Variants in KITLG observed in about 807,000 individuals in gnomAD.
The protein encoded by KITLG is c-Kit ligand.
A neutral mutation model predicts 34.1 loss-of-function variants in KITLG; 13 were observed. The ratio of observed to expected loss-of-function variants is 0.38; its 90% CI spans 0.25 to 0.61. KITLG has a LOEUF of 0.61. Among genes scored for constraint, KITLG ranks in the 20% least tolerant of loss-of-function variants. The pLI, the probability that KITLG is intolerant of heterozygous loss-of-function variation, is 0.60. For missense variants in KITLG, 292 were observed against 318.9 expected (o/e 0.92, Z 0.64); for synonymous variants, 110 against 104.0 (o/e 1.06, Z -0.35).
intron 1 of KITLG, among the ~76,000 whole-genome samples, chr12:88,566,825 C>T (rs2120970812): frequency 6.6e-6 from 1 of 152,206 alleles, no homozygotes; most frequent in East Asian, 1.9e-4. Flanking sequence ...AGATTGTGTG[C>T]ATTAGAAAGA....
intron 9 of KITLG, among the ~76,000 whole-genome samples, chr12:88,503,608 T>C (rs1378049970): frequency 6.6e-6 from 1 of 152,204 alleles, no homozygotes; most frequent in South Asian, 2.1e-4. Flanking sequence ...ATTAAGTTAA[T>C]GCAGCTGTGG....
intron 1 of KITLG, among the ~76,000 whole-genome samples, chr12:88,558,895 C>T (rs1190308551): frequency 6.6e-6 from 1 of 152,004 alleles, no homozygotes; most frequent in Admixed American, 6.5e-5. Context: ...GATTGAAGGG[C>T]TACATACTAG....
At chr12:88,550,288 T>C (rs1283033415) in intron 1 of KITLG, among the ~76,000 whole-genome samples, 1 of 151,914 alleles carries the variant, frequency 6.6e-6, no homozygotes, top group Non-Finnish European at 1.5e-5. Context: ...CCAGAATGAG[T>C]GTATGCCTAT....
Position 88,518,717 on chromosome 12 carries a change from C to A in KITLG, c.343G>T (p.Val115Leu). 6.2e-7 allele frequency: 1 copy of A among 1,612,824 alleles called. No homozygotes were observed. Among genetic ancestry groups the A allele is most frequent in the Non-Finnish European group, 8.5e-7 (1 of 1,179,074 alleles). The change falls in exon 4 of 10, where the codon GTG (valine) becomes TTG (leucine). Residue 115 changes from valine to leucine, a missense_variant. Transcript: ENST00000644744. ...GTTACCTTAGATGAGTTTTCTTTCA[C>A]GCACTCCACAAGGTCATCCACTATA... is the stretch of plus-strand genomic sequence containing the variant. ...VNIVDDLVEC[V>L]KENSSKDLKK... is the part of the protein sequence containing the mutation.
chr12:88,506,503 G>T, intron 7 of KITLG, 125 bp from the exon 8 acceptor site: 1 of 739,904 alleles, frequency 1.4e-6, no homozygotes, highest in Non-Finnish European at 2.4e-6. Flanking sequence ...TCAGCATGTA[G>T]CATGCAAAAT....
chr12:88,558,955 A>G (rs1370673049), intron 1 of KITLG, among the ~76,000 whole-genome samples: 1 of 152,194 alleles, frequency 6.6e-6, no homozygotes, highest in African/African-American at 2.4e-5. Flanking sequence ...AAAAGATGAC[A>G]AATTGGGTAC....
intron 3 of KITLG, among the ~76,000 whole-genome samples, chr12:88,530,625 T>C (rs1365790239): frequency 6.6e-6 from 1 of 152,168 alleles, no homozygotes. Flanking sequence ...AAATACTTGC[T>C]TAGTAACCAA....
intron 6 of KITLG, among the ~76,000 whole-genome samples, chr12:88,515,253 G>T (rs1459161715): frequency 6.6e-6 from 1 of 151,676 alleles, no homozygotes; most frequent in African/African-American, 2.4e-5. Context: ...ATATGTTAAT[G>T]ATTCAACAAA....
At chr12:88,513,237 G>C (rs1465863708) in intron 6 of KITLG, among the ~76,000 whole-genome samples, 1 of 151,456 alleles carries the variant, frequency 6.6e-6, no homozygotes, top group Non-Finnish European at 1.5e-5. Context: ...ACAAGTTAAA[G>C]TGTATACTTT....
At chr12:88,566,284 T>C (rs569593457) in intron 1 of KITLG, among the ~76,000 whole-genome samples, 1 of 152,214 alleles carries the variant, frequency 6.6e-6, no homozygotes, top group Non-Finnish European at 1.5e-5. Flanking sequence ...GACAGGTGGA[T>C]GTTGTCCCTC....
intron 4 of KITLG, among the ~76,000 whole-genome samples, chr12:88,518,487 GACA>G (rs755189055): frequency 6.6e-6 from 1 of 152,116 alleles, no homozygotes; most frequent in South Asian, 2.1e-4. Context: ...TGTATTAGAT[GACA>G]ACATTTAAGT....
intron 2 of KITLG, among the ~76,000 whole-genome samples, chr12:88,537,539 T>C (rs1250437656): frequency 6.6e-6 from 1 of 151,762 alleles, no homozygotes; most frequent in Non-Finnish European, 1.5e-5. Context: ...ACTACCTGGG[T>C]GATGGGATCA....
chr12:88,524,179 T>C (rs1414200323), intron 3 of KITLG, among the ~76,000 whole-genome samples: 1 of 152,206 alleles, frequency 6.6e-6, no homozygotes, highest in Non-Finnish European at 1.5e-5. Context: ...AATATGGGAA[T>C]CCCACTATCC....
At chr12:88,534,497 T>C (rs1388017065) in intron 2 of KITLG, among the ~76,000 whole-genome samples, 1 of 151,900 alleles carries the variant, frequency 6.6e-6, no homozygotes, top group Non-Finnish European at 1.5e-5. Flanking sequence ...TGTGTCAGCC[T>C]CTGGGATTAC....
chr12:88,567,886 G>A (rs1412837553), intron 1 of KITLG, among the ~76,000 whole-genome samples: 1 of 152,172 alleles, frequency 6.6e-6, no homozygotes, highest in Non-Finnish European at 1.5e-5. Flanking sequence ...AAGTCATACA[G>A]TTTGAAGAGA....
At chr12:88,575,686 G>T (rs937287563) in intron 1 of KITLG, among the ~76,000 whole-genome samples, 1 of 152,094 alleles carries the variant, frequency 6.6e-6, no homozygotes, top group South Asian at 2.1e-4. Context: ...GTCTACACAC[G>T]TGACTAAGAC....
At chr12:88,544,177 T>C (rs1288392027) in intron 2 of KITLG, among the ~76,000 whole-genome samples, 1 of 152,144 alleles carries the variant, frequency 6.6e-6, no homozygotes, top group Non-Finnish European at 1.5e-5. Context: ...AGTAACAGTG[T>C]CTAACACTGT....
At chr12:88,565,307 A>T (rs1871408566) in intron 1 of KITLG, among the ~76,000 whole-genome samples, 1 of 152,146 alleles carries the variant, frequency 6.6e-6, no homozygotes, top group African/African-American at 2.4e-5. Flanking sequence ...CCATATTTGT[A>T]ATAGTCTCAT....
At position 88,515,552 on chromosome 12, in the gene KITLG, C is replaced by A; in HGVS notation, c.586G>T (p.Asp196Tyr). 1 of 1,609,764 alleles carries A rather than the reference C, an allele frequency of 6.2e-7. No homozygotes were observed. Among genetic ancestry groups the A allele is most frequent in the South Asian group, 1.1e-5 (1 of 91,004 alleles). ...PPVAASSLRN[D>Y]SSSSNRKAKN... The stretch of plus-strand genomic sequence containing the variant: ...TACTTACTATTACTGCTACTGCTGT[C>A]ATTCCTAAGGGAGCTGGCTGCAACA... The change falls in exon 6 of 10, where the codon GAC becomes TAC. Residue 196 changes from aspartate (D) to tyrosine (Y), a missense_variant. By Grantham distance (160) the Asp-to-Tyr change is radical. Coordinates refer to ENST00000644744, the MANE Select transcript of KITLG (RefSeq NM_000899.5).
Sources: allele counts gnomAD v4.1 joint callset (sites outside exome capture counted in the v4.1 genomes callset), GRCh38; gene constraint gnomAD v4.1.1; transcripts MANE v1.5; gene names NCBI Gene and HGNC (gene_info 2026-07-23, HGNC 2026-07-21).